Variants in NDUFAF2 observed in about 807,000 individuals in gnomAD.
The protein encoded by NDUFAF2 is NADH:ubiquinone oxidoreductase complex assembly factor 2.
NDUFAF2 carries 13 observed loss-of-function variants against 22.8 expected under a neutral mutation model. That is an observed-to-expected ratio of 0.57 (90% CI 0.37 to 0.91). NDUFAF2 has a LOEUF of 0.91. Ranked by LOEUF, NDUFAF2 falls within the 40% of genes least tolerant of loss-of-function variation. The pLI is 0.01. For synonymous variants in NDUFAF2, 53 were observed against 64.2 expected, an observed-to-expected ratio of 0.83 and a Z score of 0.84; for missense variants, 162 against 195.2, an observed-to-expected ratio of 0.83 and a Z score of 1.01.
At chr5:61,009,212 A>G (rs754244093) in intron 1 of NDUFAF2, among the ~76,000 whole-genome samples, 13 of 152,108 alleles carry the variant, frequency 8.5e-5, no homozygotes, top group African/African-American at 3.1e-4. Flanking sequence ...TATAAGTTAA[A>G]TGTATTCTGA....
At chr5:61,074,765 A>G (rs1381913481) in intron 2 of NDUFAF2, among the ~76,000 whole-genome samples, 3 of 152,144 alleles carry the variant, frequency 2.0e-5, no homozygotes, top group Middle Eastern at 3.4e-3. Flanking sequence ...CGTCTCAAAA[A>G]AGAAAAGAAA....
At chr5:60,948,563 T>G (rs560043833) in intron 1 of NDUFAF2, among the ~76,000 whole-genome samples, 36 of 152,140 alleles carry the variant, frequency 2.4e-4, no homozygotes, top group Admixed American at 1.6e-3. Flanking sequence ...TTTTTTTTTT[T>G]TTGTTTTTTA....
intron 1 of NDUFAF2, among the ~76,000 whole-genome samples, chr5:60,976,128 A>G (rs1367267657): frequency 6.6e-6 from 1 of 152,178 alleles, no homozygotes; most frequent in Non-Finnish European, 1.5e-5. Flanking sequence ...ATTGGTAGTT[A>G]TAAGGGTCTA....
In NDUFAF2 at chr5:61,038,118, G is replaced by C. The variant is rs565541714; in HGVS notation, c.128-35007G>C. Among the ~76,000 whole-genome samples, 35 of 150,108 alleles carry C rather than the reference G, an allele frequency of 2.3e-4. 1 individual carries two copies. The highest frequency in any genetic ancestry group is 7.9e-4 in the African/African-American group (32 of 40,518). On this transcript the variant is annotated intron_variant, in intron 1 of 3. Coordinates refer to ENST00000296597, the MANE Select transcript of NDUFAF2 (RefSeq NM_174889.5). ...AGAGAGAGAGAGAGAGAGAGAGAGG[G>C]AGAGAGAGAAAGTCAGCAATGTTAC...
chr5:61,027,052 A>C (rs973327781), intron 1 of NDUFAF2, among the ~76,000 whole-genome samples: 1 of 151,568 alleles, frequency 6.6e-6, no homozygotes, highest in Non-Finnish European at 1.5e-5. Flanking sequence ...TTATTAAGAA[A>C]AATTATATTT....
At position 61,038,733 on chromosome 5, in the gene NDUFAF2, T is replaced by C. The variant is rs545915439; in HGVS notation, c.128-34392T>C. On this transcript the variant is annotated intron_variant, in intron 1 of 3. Transcript: ENST00000296597. ...AAGAGGTAAATGCTAAGTAAATCTT[T>C]TCAAAATTATTTGTTATTAAGTTAT... Among the ~76,000 whole-genome samples the C allele has an allele frequency of 3.3e-5, 5 of 152,334 alleles. No homozygotes were observed. In the East Asian group the frequency reaches 9.6e-4, roughly 29 times the overall value.
chr5:61,145,790 A>T (rs1352127353), intron 3 of NDUFAF2: 1 of 152,188 alleles, frequency 6.6e-6, no homozygotes, highest in Non-Finnish European at 1.5e-5. Flanking sequence ...GATACAGCTC[A>T]TGCCTTTTTT....
chr5:60,961,954 C>G (rs990910112), intron 1 of NDUFAF2, among the ~76,000 whole-genome samples: 4 of 150,284 alleles, frequency 2.7e-5, no homozygotes, highest in Non-Finnish European at 5.9e-5. Context: ...CAGCAAGACT[C>G]TTTCTCTAAA....
intron 1 of NDUFAF2, among the ~76,000 whole-genome samples, chr5:61,040,109 C>A (rs944566845): frequency 1.3e-5 from 2 of 151,822 alleles, no homozygotes; most frequent in African/African-American, 4.8e-5. Flanking sequence ...AGTGTCCCCC[C>A]AAAAAATGTA....
At chr5:61,008,218 G>A (rs1379004109) in intron 1 of NDUFAF2, among the ~76,000 whole-genome samples, 8 of 151,450 alleles carry the variant, frequency 5.3e-5, no homozygotes, top group Admixed American at 5.3e-4. Context: ...CGAGTTAATG[G>A]GTGCAGCGCA....
intron 1 of NDUFAF2, among the ~76,000 whole-genome samples, chr5:61,033,245 T>C (rs147751808): frequency 1.2e-4 from 19 of 152,188 alleles, no homozygotes; most frequent in African/African-American, 4.3e-4. Flanking sequence ...ATCAAATCAC[T>C]ATTATGTTTT....
intron 3 of NDUFAF2, among the ~76,000 whole-genome samples, chr5:61,135,061 A>T (rs1740902669): frequency 6.6e-6 from 1 of 152,018 alleles, no homozygotes; most frequent in Non-Finnish European, 1.5e-5. Flanking sequence ...AGCTTATAGC[A>T]TAAAAGAAAT....
intron 1 of NDUFAF2, among the ~76,000 whole-genome samples, chr5:61,033,660 T>G (rs1751756385): frequency 6.6e-6 from 1 of 152,138 alleles, no homozygotes; most frequent in African/African-American, 2.4e-5. Flanking sequence ...CATGTTGTTT[T>G]GGCTATAGTA....
intron 1 of NDUFAF2, among the ~76,000 whole-genome samples, chr5:61,056,679 G>A (rs1259769095): frequency 6.6e-6 from 1 of 151,490 alleles, no homozygotes; most frequent in Non-Finnish European, 1.5e-5. Context: ...CCTGAGGTTG[G>A]CAGTTCAAAA....
intron 1 of NDUFAF2, among the ~76,000 whole-genome samples, chr5:60,946,400 T>G (rs1750455943): frequency 6.6e-6 from 1 of 152,204 alleles, no homozygotes; most frequent in African/African-American, 2.4e-5. Context: ...ATAAAATGTA[T>G]TCTGTGATTT....
chr5:61,136,853 A>C (rs528238461), intron 3 of NDUFAF2, among the ~76,000 whole-genome samples: 1 of 152,240 alleles, frequency 6.6e-6, no homozygotes, highest in East Asian at 1.9e-4. Flanking sequence ...TTTCTCACTA[A>C]GGCTCACTCC....
At chr5:61,026,412 C>T (rs1490279492) in intron 1 of NDUFAF2, among the ~76,000 whole-genome samples, 2 of 151,944 alleles carry the variant, frequency 1.3e-5, no homozygotes, top group Non-Finnish European at 2.9e-5. Flanking sequence ...TAAATATGTC[C>T]ACATTTGATA....
chr5:61,019,433 C>T (rs1246740077), intron 1 of NDUFAF2, among the ~76,000 whole-genome samples: 1 of 152,004 alleles, frequency 6.6e-6, no homozygotes, highest in African/African-American at 2.4e-5. Context: ...TTACTCTTCC[C>T]CTTTCCTTGG....
chr5:61,038,849 C>CT (rs564536525), intron 1 of NDUFAF2, among the ~76,000 whole-genome samples: 11 of 149,904 alleles, frequency 7.3e-5, no homozygotes, highest in South Asian at 2.1e-4. Context: ...GCAGCTATAA[C>CT]TTTTTTTTTT....
Sources: gnomAD v4.1 joint callset for allele counts (sites outside exome capture counted in the v4.1 genomes callset) on GRCh38, gnomAD v4.1.1 for gene constraint, MANE v1.5 for transcripts, NCBI Gene and HGNC (gene_info 2026-07-23, HGNC 2026-07-21) for gene names.